MEGF10: variants seen among roughly 807,000 people sequenced by gnomAD.
The protein encoded by MEGF10 is multiple EGF like domains 10.
MEGF10 carries 86 observed loss-of-function variants against 147.5 expected under a neutral mutation model. The ratio of observed to expected loss-of-function variants is 0.58; its 90% confidence interval spans 0.49 to 0.70. The LOEUF (loss-of-function observed/expected upper bound fraction) is 0.70, where lower values mean the gene tolerates loss of function less well. Among genes scored for constraint, MEGF10 ranks in the 30% least tolerant of loss-of-function variants. The pLI, the probability that MEGF10 is intolerant of heterozygous loss-of-function variation, is 0.00. For missense variants in MEGF10, 1,329 were observed against 1,487.3 expected (o/e 0.89, Z 1.75); for synonymous variants, 478 against 525.5 (o/e 0.91, Z 1.24).
rs955837474 is a variant in MEGF10, at chr5:127,457,209, G to A, written c.3314G>A (p.Ser1105Asn). ...SQDPYDLPKN[S>N]HIPCHYDLLP... Reference sequence around the variant, plus strand: ...GATCCATATGACCTCCCAAAGAACAGTCACATCCCTTGTCATTATGACCTG... The same window carrying A: ...GATCCATATGACCTCCCAAAGAACAATCACATCCCTTGTCATTATGACCTG... Residue 1105 changes from serine (S) to asparagine (N), a missense_variant, in exon 25 of 25, where the codon AGT becomes AAT. Ser to Asn is a conservative substitution (Grantham distance 46, BLOSUM62 1). This residue lies in a region of MEGF10 where 343 missense variants were observed against 377.9 expected (regional missense o/e 0.91). Transcript: ENST00000503335. 8 of 1,613,974 alleles carry A rather than the reference G, an allele frequency of 5.0e-6. No homozygotes were observed. The African/African-American group carries it at 8.0e-5, about 16-fold the overall frequency.
At chr5:127,411,900 T>C (rs1346360610) in intron 9 of MEGF10, among the ~76,000 whole-genome samples, 1 of 152,194 alleles carries the variant, frequency 6.6e-6, no homozygotes, top group African/African-American at 2.4e-5. Flanking sequence ...ATTACACCAG[T>C]GTGCTGTTCC....
At chr5:127,399,284 G>T (rs1383366745) in intron 7 of MEGF10, among the ~76,000 whole-genome samples, 1 of 152,210 alleles carries the variant, frequency 6.6e-6, no homozygotes, top group Non-Finnish European at 1.5e-5. Context: ...ACTTCTCAGA[G>T]CCTTGAGTGT....
At chr5:127,450,627 AT>A (rs1200044455) in intron 22 of MEGF10, among the ~76,000 whole-genome samples, 2 of 152,266 alleles carry the variant, frequency 1.3e-5, no homozygotes, top group African/African-American at 4.8e-5. Flanking sequence ...TAAGCAACAC[AT>A]TTTTTTGTAT....
At chr5:127,287,755 T>C (rs1759075328), upstream of MEGF10, among the ~76,000 whole-genome samples, 1 of 150,978 alleles carries the variant, frequency 6.6e-6, no homozygotes, top group Non-Finnish European at 1.5e-5. Context: ...GAAAACCAAA[T>C]AAAAACAAAA....
chr5:127,348,534 T>C (rs985020705), intron 4 of MEGF10, among the ~76,000 whole-genome samples: 1 of 152,154 alleles, frequency 6.6e-6, no homozygotes, highest in African/African-American at 2.4e-5. Flanking sequence ...AAACGTGAAG[T>C]TTGTGTGCTT....
chr5:127,308,619 A>C (rs1175149151), intron 1 of MEGF10, among the ~76,000 whole-genome samples: 4 of 152,110 alleles, frequency 2.6e-5, no homozygotes, highest in Non-Finnish European at 5.9e-5. Context: ...AAGGACGAAA[A>C]ACCAAACACT....
chr5:127,368,516 C>T (rs1206735434), intron 4 of MEGF10, among the ~76,000 whole-genome samples: 1 of 152,140 alleles, frequency 6.6e-6, no homozygotes, highest in African/African-American at 2.4e-5. Context: ...CACAATAAAG[C>T]CCCAACACCT....
chr5:127,385,867 G>A (rs1321656881), intron 5 of MEGF10, among the ~76,000 whole-genome samples: 2 of 152,170 alleles, frequency 1.3e-5, no homozygotes, highest in African/African-American at 4.8e-5. Context: ...CACTTTGGGA[G>A]GCCCAGGCAG....
Position 127,371,392 on chromosome 5 carries a change from T to A in MEGF10, c.412+1390T>A, listed in dbSNP as rs76354028. On this transcript the variant is annotated intron_variant, in intron 5 of 24. Coordinates refer to ENST00000503335, the MANE Select transcript of MEGF10 (RefSeq NM_001256545.2). Reference sequence around the variant, plus strand: ...TGTTTGGGATGTGGGATTTGGCTCATGTCCATTTTTCTGGCCGACTGACCT... The same window carrying A: ...TGTTTGGGATGTGGGATTTGGCTCAAGTCCATTTTTCTGGCCGACTGACCT... Among the ~76,000 whole-genome samples, 1,085 of 152,320 alleles carry A rather than the reference T, an allele frequency of 7.1e-3. 15 individuals are homozygous for A. Among genetic ancestry groups the A allele is most frequent in the African/African-American group, 0.025 (1,044 of 41,570 alleles).
At chr5:127,447,823 C>A in intron 21 of MEGF10, 139 bp downstream of exon 21, 1 of 1,121,334 alleles carries the variant, frequency 8.9e-7, no homozygotes, top group Non-Finnish European at 1.2e-6. Context: ...CTAAACAGTC[C>A]TCTGAGTGTG....
chr5:127,319,299 C>T (rs1272979650), intron 1 of MEGF10, among the ~76,000 whole-genome samples: 1 of 152,150 alleles, frequency 6.6e-6, no homozygotes, highest in Non-Finnish European at 1.5e-5. Flanking sequence ...TGGTCTTGAA[C>T]TCTTGACCTC....
At chr5:127,435,603 A>T in intron 16 of MEGF10, 114 bp downstream of exon 16, 2 of 1,039,798 alleles carry the variant, frequency 1.9e-6, no homozygotes, top group South Asian at 4.6e-5. Context: ...ATGACTAATT[A>T]AAAGACACAT....
intron 10 of MEGF10, 35 bp from the exon 11 acceptor site, chr5:127,419,085 A>C (rs1206175571): frequency 1.9e-6 from 3 of 1,580,650 alleles, no homozygotes; most frequent in Non-Finnish European, 2.6e-6. Context: ...TCAGTTGGCA[A>C]AATTGAATGC....
rs147861073 is a variant in MEGF10 at position 127,422,399 on chromosome 5, T to C, written c.1591-271T>C. On this transcript the variant is annotated intron_variant, in intron 12 of 24. Transcript: ENST00000503335. Reference sequence around the variant, plus strand: ...AGCCTGGCAAGGTGGCAGGTGCCTATAGTCCCAGCTACTCGGGAGGCTGAG... The same window carrying C: ...AGCCTGGCAAGGTGGCAGGTGCCTACAGTCCCAGCTACTCGGGAGGCTGAG... Among the ~76,000 whole-genome samples, 11 of 152,106 alleles carry C rather than the reference T, an allele frequency of 7.2e-5. No individual in the cohort carries two copies. The East Asian group carries it at 2.1e-3, about 30-fold the overall frequency.
the MEGF10 span, among the ~76,000 whole-genome samples, chr5:127,284,624 T>C: frequency 6.6e-6 from 1 of 152,204 alleles, no homozygotes; most frequent in African/African-American, 2.4e-5. Flanking sequence ...GCCTTCTTTT[T>C]CTTACCTGTA....
chr5:127,360,238 G>A (rs913660938), intron 4 of MEGF10, among the ~76,000 whole-genome samples: 5 of 151,898 alleles, frequency 3.3e-5, no homozygotes, highest in Admixed American at 3.3e-4. Context: ...TTGTCCTTAA[G>A]TATTTCATAT....
intron 1 of MEGF10, among the ~76,000 whole-genome samples, chr5:127,294,189 A>T (rs954065937): frequency 2.6e-5 from 4 of 152,202 alleles, no homozygotes; most frequent in African/African-American, 4.8e-5. Flanking sequence ...GCGATATCTC[A>T]TGCGAGTTCC....
chr5:127,366,836 C>A (rs1762674087), intron 4 of MEGF10, among the ~76,000 whole-genome samples: 1 of 152,158 alleles, frequency 6.6e-6, no homozygotes, highest in Admixed American at 6.5e-5. Context: ...TGAAGCAGGT[C>A]TCCTTTGATT....
intron 1 of MEGF10, among the ~76,000 whole-genome samples, chr5:127,323,004 T>C (rs975369456): frequency 3.3e-5 from 5 of 152,086 alleles, no homozygotes; most frequent in Admixed American, 2.0e-4. Context: ...AACACACACA[T>C]TGCATATACA....
Sources: gnomAD v4.1 joint callset for allele counts (sites outside exome capture counted in the v4.1 genomes callset) on GRCh38, gnomAD v4.1.1 for gene constraint, gnomAD v4.1.1 regional missense constraint, MANE v1.5 for transcripts, NCBI Gene and HGNC (gene_info 2026-07-23, HGNC 2026-07-21) for gene names.